The following MAPK14 variants were observed in gnomAD, a reference collection of about 807,000 sequenced individuals.
The protein encoded by MAPK14 is mitogen-activated protein kinase 14.
Under a neutral mutation model 49.6 loss-of-function variants are expected in MAPK14, and 16 were observed. The ratio of observed to expected loss-of-function variants is 0.32; its 90% CI spans 0.22 to 0.49. The LOEUF is 0.49. Among genes scored for constraint, MAPK14 ranks in the 20% least tolerant of loss-of-function variants. The probability of loss-of-function intolerance (pLI) is 0.99; values close to 1 mark genes in which losing one functional copy is unlikely to be tolerated. For missense variants in MAPK14, 200 were observed against 441.2 expected, an observed-to-expected ratio of 0.45 and a Z score of 4.90; for synonymous variants, 142 against 158.0, an observed-to-expected ratio of 0.90 and a Z score of 0.76.
chr6:36,036,925 G>A (rs2127397550), intron 1 of MAPK14, among the ~76,000 whole-genome samples: 1 of 152,168 alleles, frequency 6.6e-6, no homozygotes. Context: ...ATTTTTAATA[G>A]AGATGGGGTT....
intron 1 of MAPK14, among the ~76,000 whole-genome samples, chr6:36,030,015 ATATTT>A: frequency 6.6e-6 from 1 of 151,892 alleles, no homozygotes; most frequent in Admixed American, 6.6e-5. Context: ...TGCTCTTTTA[ATATTT>A]TATAGCTCAT....
At chr6:36,040,899 G>A (rs764065968) in intron 1 of MAPK14, among the ~76,000 whole-genome samples, 2 of 152,188 alleles carry the variant, frequency 1.3e-5, no homozygotes, top group Non-Finnish European at 2.9e-5. Context: ...AAACTAAGGA[G>A]CAAGAAGTAG....
At chr6:36,113,126 C>T (rs1562161070), downstream of MAPK14, among the ~76,000 whole-genome samples, 1 of 152,010 alleles carries the variant, frequency 6.6e-6, no homozygotes, top group Non-Finnish European at 1.5e-5. Flanking sequence ...GCCCTTTGAA[C>T]TTAGCATTTA....
intron 3 of MAPK14, among the ~76,000 whole-genome samples, chr6:36,060,030 G>T (rs922758313): frequency 7.2e-5 from 11 of 152,278 alleles, no homozygotes; most frequent in Admixed American, 7.2e-4. Flanking sequence ...TGTTGTTTTA[G>T]CCTGGGATAC....
At chr6:36,101,185 A>G (rs1354611938) in intron 9 of MAPK14, among the ~76,000 whole-genome samples, 1 of 152,146 alleles carries the variant, frequency 6.6e-6, no homozygotes, top group Non-Finnish European at 1.5e-5. Flanking sequence ...TGCACCTGCA[A>G]CCTCAGCACT....
intron 1 of MAPK14, among the ~76,000 whole-genome samples, chr6:36,042,476 C>CTTT (rs113286534): frequency 4.9e-4 from 50 of 102,662 alleles, no homozygotes; most frequent in African/African-American, 5.6e-4. Flanking sequence ...GAAGGAATAT[C>CTTT]TTTTTTTTTT....
intron 8 of MAPK14, among the ~76,000 whole-genome samples, chr6:36,085,707 A>G (rs1562139601): frequency 6.6e-6 from 1 of 152,212 alleles, no homozygotes; most frequent in Non-Finnish European, 1.5e-5. Flanking sequence ...AGACTCCCAT[A>G]CAATAATAGT....
intron 5 of MAPK14, 29 bp from the exon 6 acceptor site, chr6:36,074,020 A>T (rs1313524992): frequency 6.4e-7 from 1 of 1,566,996 alleles, no homozygotes; most frequent in Admixed American, 1.7e-5. Flanking sequence ...CATAAAGTTG[A>T]TCCTGTCTTC....
At chr6:36,042,227 A>G (rs1390615863) in intron 1 of MAPK14, among the ~76,000 whole-genome samples, 2 of 152,154 alleles carry the variant, frequency 1.3e-5, no homozygotes, top group Non-Finnish European at 2.9e-5. Flanking sequence ...GCATTTCTAA[A>G]AAGTCTACAA....
At chr6:36,122,089 T>G in the MAPK14 span, among the ~76,000 whole-genome samples, 24 of 152,360 alleles carry the variant, frequency 1.6e-4, no homozygotes, top group Non-Finnish European at 1.8e-4. Flanking sequence ...AGAGCTAGAA[T>G]CAGAGCCCAA....
chr6:36,059,438 C>A, intron 3 of MAPK14, 91 bp downstream of exon 3: 1 of 930,976 alleles, frequency 1.1e-6, no homozygotes, highest in Non-Finnish European at 1.7e-6. Context: ...AACATATAGA[C>A]TTCAAAAAAT....
At chr6:36,095,184 A>AT (rs1765395894) in intron 8 of MAPK14, among the ~76,000 whole-genome samples, 1 of 152,228 alleles carries the variant, frequency 6.6e-6, no homozygotes, top group Admixed American at 6.5e-5. Flanking sequence ...CTGAGTATAC[A>AT]TTGAAGTGTT....
intron 1 of MAPK14, among the ~76,000 whole-genome samples, chr6:36,050,559 A>G (rs1763354312): frequency 6.6e-6 from 1 of 152,306 alleles, no homozygotes; most frequent in South Asian, 2.1e-4. Context: ...GTTGCCAAGA[A>G]TGATGACAGA....
At chr6:36,106,092 C>G (rs1765788848) in intron 10 of MAPK14, among the ~76,000 whole-genome samples, 1 of 152,174 alleles carries the variant, frequency 6.6e-6, no homozygotes, top group Non-Finnish European at 1.5e-5. Context: ...AACATCTTAA[C>G]CCAGTGATCA....
chr6:36,100,195 C>G, intron 9 of MAPK14: 1 of 1,610,568 alleles, frequency 6.2e-7, no homozygotes, highest in Non-Finnish European at 8.5e-7. Flanking sequence ...AAGATATTAA[C>G]CAGCTTCAGC....
In MAPK14 at chr6:36,028,499, G is replaced by C. The variant is rs568830888; in HGVS notation, c.116+226G>C. Among the ~76,000 whole-genome samples, 8 of 152,254 alleles carry C rather than the reference G, an allele frequency of 5.3e-5. No individual in the cohort carries two copies. Among genetic ancestry groups the C allele is most frequent in the Non-Finnish European group, 1.2e-4 (8 of 68,046 alleles). On this transcript the variant is annotated intron_variant, in intron 1 of 11. Transcript: ENST00000229794. The surrounding 1 kb of genome is among the most constrained non-coding windows in gnomAD (Gnocchi z 5.1). Reference sequence around the variant, plus strand: ...TGCAGCACTCAGGTCCGCTGCGAGAGGTAGGTGGTGGTGCTGGAGCTCGGT... The same window carrying C: ...TGCAGCACTCAGGTCCGCTGCGAGACGTAGGTGGTGGTGCTGGAGCTCGGT...
rs114254311 is a variant in MAPK14, at chr6:36,049,379, C to T, written c.117-3320C>T. Among the ~76,000 whole-genome samples the T allele has an allele frequency of 7.9e-3, 1,208 of 152,124 alleles. 13 individuals carry two copies. Among genetic ancestry groups the T allele is most frequent in the African/African-American group, 0.028 (1,157 of 41,494 alleles). On this transcript the variant is annotated intron_variant, in intron 1 of 11. Transcript: ENST00000229794. Reference sequence around the variant, plus strand: ...AGATCCTGCATTTTCTAATGAGCTCCCAGATAATGTCAATGCTGCCGGTCC... The same window carrying T: ...AGATCCTGCATTTTCTAATGAGCTCTCAGATAATGTCAATGCTGCCGGTCC...
rs1027123247 is a variant in MAPK14, at chr6:36,109,718, C to T, written c.*1271C>T. 5 of 152,542 alleles carry T rather than the reference C, an allele frequency of 3.3e-5. No homozygotes were observed. Among genetic ancestry groups the T allele is most frequent in the African/African-American group, 7.2e-5 (3 of 41,408 alleles). 9.4% of individuals were successfully genotyped at this position (152,542 alleles called of 1,614,324 possible). The stretch of plus-strand genomic sequence containing the variant: ...CTTTTCCCAGGAATATCCCAAACTT[C>T]GGAAACAAGTTATTCTCTTCACTCC... On this transcript the variant is annotated 3_prime_UTR_variant, in exon 12 of 12. Transcript: ENST00000229794.
At chr6:36,054,351 A>G (rs1211862029) in intron 2 of MAPK14, among the ~76,000 whole-genome samples, 1 of 152,196 alleles carries the variant, frequency 6.6e-6, no homozygotes, top group Non-Finnish European at 1.5e-5. Context: ...ATTTAAGAAC[A>G]TCTGGTTTAG....
Sources: allele counts gnomAD v4.1 joint callset (sites outside exome capture counted in the v4.1 genomes callset), GRCh38; gene constraint gnomAD v4.1.1; non-coding constraint Gnocchi (gnomAD v3.1); transcripts MANE v1.5; gene names NCBI Gene and HGNC (gene_info 2026-07-23, HGNC 2026-07-21).